EXO1: variants seen among roughly 807,000 people sequenced by gnomAD.
EXO1 encodes the protein exonuclease 1.
In EXO1, 69 loss-of-function variants were observed where a neutral mutation model predicts 84.5. The observed-to-expected ratio is 0.82, with a 90% CI of 0.67 to 1.00. The LOEUF is 1.00. Ranked by LOEUF, EXO1 falls within the 50% of genes least tolerant of loss-of-function variation. EXO1 has a pLI of 0.00. For synonymous variants in EXO1, 373 were observed against 366.1 expected (o/e 1.02, Z -0.21); for missense variants, 1,045 against 1,000.7 (o/e 1.04, Z -0.60).
Position 241,879,190 on chromosome 1 carries a change from G to A in EXO1, c.1956G>A (p.Ser652=), listed in dbSNP as rs775355676. 1.0e-5 allele frequency: 16 copies of A among 1,603,942 alleles called. No homozygotes were observed. Among genetic ancestry groups the A allele is most frequent in the Middle Eastern group, 1.7e-4 (1 of 6,040 alleles). ...SLPENNMSDV[S]QLKSEESSDD... is the part of the protein sequence containing the mutation. ...CTGAGAATAATATGTCTGATGTGTCGCAGTTAAAGAGCGAGGAGTCCAGTG... is the reference window on the plus strand; with the variant it reads ...CTGAGAATAATATGTCTGATGTGTCACAGTTAAAGAGCGAGGAGTCCAGTG... The change falls in exon 13 of 16, where the codon TCG becomes TCA. Residue 652 remains serine, a synonymous_variant. Coordinates refer to ENST00000366548, the MANE Select transcript of EXO1 (RefSeq NM_130398.4).
intron 10 of EXO1, among the ~76,000 whole-genome samples, chr1:241,863,997 T>A (rs574802270): frequency 6.6e-6 from 1 of 152,196 alleles, no homozygotes; most frequent in African/African-American, 2.4e-5. Flanking sequence ...TCATCTCTTA[T>A]CTTTCTCAGA....
At position 241,853,476 on chromosome 1, in the gene EXO1, A is replaced by G. The variant is rs757519301; in HGVS notation, c.400A>G (p.Ile134Val). The change falls in exon 6 of 16, where the codon ATT becomes GTT. Residue 134 changes from isoleucine (I) to valine (V), a missense_variant. Ile to Val is a conservative substitution (Grantham distance 29, BLOSUM62 3). Transcript: ENST00000366548. ...CACACATGCCATGGCCCACAAAGTA[A>G]TTAAAGTAAGACAAAGGGGCAGATG... Reference protein sequence around the residue: ...NITHAMAHKVIKAARSQGVDC... With the variant: ...NITHAMAHKVVKAARSQGVDC... 9.3e-6 allele frequency: 15 copies of G among 1,614,086 alleles called. No homozygotes were observed. In the South Asian group the frequency reaches 1.6e-4, roughly 18 times the overall value.
intron 12 of EXO1, among the ~76,000 whole-genome samples, chr1:241,878,274 G>A (rs1179653912): frequency 2.6e-5 from 4 of 152,178 alleles, no homozygotes; most frequent in Non-Finnish European, 5.9e-5. Context: ...CAAGGCGGGC[G>A]GATCACCTGA....
At chr1:241,888,773 G>A (rs573845986) in intron 15 of EXO1, among the ~76,000 whole-genome samples, 1 of 152,180 alleles carries the variant, frequency 6.6e-6, no homozygotes, top group Non-Finnish European at 1.5e-5. Context: ...AACCGAGAGG[G>A]GAATAAAAGA....
rs574661542 is a variant in EXO1, at chr1:241,889,880, C to CTACT, written c.*281_*284dup. 2.5e-3 allele frequency: 1,049 copies of CTACT among 411,862 alleles called. 4 individuals carry two copies. The highest frequency in any genetic ancestry group is 3.7e-3 in the Non-Finnish European group (837 of 224,070). The allele number at this position is 411,862 out of a possible 1,614,324, so 25.5% of individuals were successfully genotyped here. A position where few individuals can be genotyped will look rare whatever the true frequency, so the allele number is the denominator to read the frequency against. Reference sequence around the variant, plus strand: ...AAAATCCTCTGGAGTTTATAAAAGTCTACTCTAAATATTTCTGTAATGTTG... The same window carrying CTACT: ...AAAATCCTCTGGAGTTTATAAAAGTCTACTTACTCTAAATATTTCTGTAATGTTG... On this transcript the variant is annotated 3_prime_UTR_variant, in exon 16 of 16. Coordinates refer to ENST00000366548, the MANE Select transcript of EXO1 (RefSeq NM_130398.4).
In EXO1 at chr1:241,879,162, T is replaced by C. The variant is rs1228527485; in HGVS notation, c.1928T>C (p.Leu643Ser). 6.2e-7 allele frequency: 1 copy of C among 1,608,032 alleles called. No individual in the cohort carries two copies. The highest frequency in any genetic ancestry group is 8.5e-7 in the Non-Finnish European group (1 of 1,174,882). ...FRRKSDSPTS[L>S]PENNMSDVSQ... is the part of the protein sequence containing the mutation. ...AGAAAGAGCGATTCCCCCACCTCTTTGCCTGAGAATAATATGTCTGATGTG... is the reference window on the plus strand; with the variant it reads ...AGAAAGAGCGATTCCCCCACCTCTTCGCCTGAGAATAATATGTCTGATGTG... Residue 643 changes from leucine to serine, a missense_variant, in exon 13 of 16, where the codon TTG (leucine) becomes TCG (serine). Physicochemically the swap from Leu to Ser is moderately radical, Grantham distance 145. Coordinates refer to ENST00000366548, the MANE Select transcript of EXO1 (RefSeq NM_130398.4).
At chr1:241,850,232 T>G (rs1660581821) in intron 3 of EXO1, among the ~76,000 whole-genome samples, 177 bp from the exon 4 acceptor site, 1 of 150,948 alleles carries the variant, frequency 6.6e-6, no homozygotes, top group Non-Finnish European at 1.5e-5. Flanking sequence ...AGTGAGCCGA[T>G]ATAGGCCACT....
rs576262524 is a variant in EXO1 at position 241,861,451 on chromosome 1, A to G, written c.990A>G (p.Lys330=). The G allele has an allele frequency of 1.9e-6, 3 of 1,593,804 alleles. No homozygotes were observed. The highest frequency in any genetic ancestry group is 2.6e-6 in the Non-Finnish European group (3 of 1,161,454). The part of the protein sequence containing the change: ...SIALQIALGN[K]DINTFEQIDD... ...CTCTTCAAATAGCACTTGGAAATAA[A>G]GATATAAATACTTTTGAACAGATCG... Residue 330 remains lysine (K), a synonymous_variant, in exon 10 of 16, where the codon AAA becomes AAG. Coordinates refer to ENST00000366548, the MANE Select transcript of EXO1 (RefSeq NM_130398.4).
intron 14 of EXO1, 99 bp downstream of exon 14, chr1:241,882,116 G>T: frequency 1.5e-6 from 1 of 661,802 alleles, no homozygotes. Flanking sequence ...CAAAATACCT[G>T]TAGTCTCATT....
chr1:241,881,519 CG>C (rs1558145655), intron 13 of EXO1, among the ~76,000 whole-genome samples: 1 of 152,062 alleles, frequency 6.6e-6, no homozygotes, highest in Non-Finnish European at 1.5e-5. Flanking sequence ...TAAAGTTGAA[CG>C]TGTTACATGA....
chr1:241,875,738 C>A (rs1265145912), intron 12 of EXO1, among the ~76,000 whole-genome samples: 15 of 152,098 alleles, frequency 9.9e-5, no homozygotes, highest in Non-Finnish European at 1.6e-4. Flanking sequence ...ATTAGCCGGG[C>A]GTGGTGGCGG....
chr1:241,860,060 A>G (rs1776130), intron 8 of EXO1, among the ~76,000 whole-genome samples: 77,139 of 151,930 alleles, frequency 0.51, 19,883 homozygotes, highest in East Asian at 0.71. Context: ...TGAATTTACT[A>G]TGCAATGTTT....
chr1:241,862,124 G>C (rs1257207808), intron 10 of EXO1, among the ~76,000 whole-genome samples: 1 of 152,224 alleles, frequency 6.6e-6, no homozygotes, highest in East Asian at 1.9e-4. Flanking sequence ...TTTTAGTAGA[G>C]ACAGGATTTC....
At position 241,889,705 on chromosome 1, in the gene EXO1, G is replaced by C; in HGVS notation, c.*105G>C. 8.9e-7 allele frequency: 1 copy of C among 1,121,340 alleles called. No homozygotes were observed. The allele number at this position is 1,121,340 out of a possible 1,614,324, so 69.5% of individuals were successfully genotyped here. ...AGCATGAAGAATTTTTTCTCATTCT[G>C]TGCCATTTTAAAAATAGAATACATT... is the stretch of plus-strand genomic sequence containing the variant. On this transcript the variant is annotated 3_prime_UTR_variant, in exon 16 of 16. Coordinates refer to ENST00000366548, the MANE Select transcript of EXO1 (RefSeq NM_130398.4).
chr1:241,854,681 G>A (rs2526702), intron 6 of EXO1: 76,073 of 152,608 alleles, frequency 0.5, 19,176 homozygotes, highest in East Asian at 0.71. Context: ...GGAAGTAGAG[G>A]AGAAACCCTG....
chr1:241,870,341 T>C (rs2298931), intron 11 of EXO1, among the ~76,000 whole-genome samples: 11,854 of 152,252 alleles, frequency 0.078, 724 homozygotes, highest in Admixed American at 0.19. Flanking sequence ...CTTCAGATGA[T>C]TTAAAGATAG....
At chr1:241,878,418 A>AC (rs1662525711) in intron 12 of EXO1, among the ~76,000 whole-genome samples, 1 of 149,236 alleles carries the variant, frequency 6.7e-6, no homozygotes, top group Non-Finnish European at 1.5e-5. Flanking sequence ...AATTGCTTGA[A>AC]CCCGGGGGGC....
chr1:241,866,455 T>G, intron 10 of EXO1, among the ~76,000 whole-genome samples: 1 of 152,174 alleles, frequency 6.6e-6, no homozygotes, highest in East Asian at 1.9e-4. Flanking sequence ...CCACATTTCT[T>G]CAGTTGTGGT....
chr1:241,867,719 A>C (rs369155830), intron 11 of EXO1, among the ~76,000 whole-genome samples: 331 of 152,260 alleles, frequency 2.2e-3, no homozygotes, highest in African/African-American at 7.7e-3. Context: ...GCTGTTTAAA[A>C]TCAGCTGACC....
Sources: gnomAD v4.1 joint callset for allele counts (sites outside exome capture counted in the v4.1 genomes callset) on GRCh38, gnomAD v4.1.1 for gene constraint, MANE v1.5 for transcripts, NCBI Gene and HGNC (gene_info 2026-07-23, HGNC 2026-07-21) for gene names.